HDAC9: variants seen among roughly 807,000 people sequenced by gnomAD.
HDAC9 encodes MEF-2 interacting transcription repressor (MITR) protein.
A neutral mutation model predicts 139.4 loss-of-function variants in HDAC9; 41 were observed. The ratio of observed to expected loss-of-function variants is 0.29; its 90% CI spans 0.23 to 0.38. The LOEUF is 0.38. HDAC9 is among the 10% of genes least tolerant of loss of function. The pLI, the probability that HDAC9 is intolerant of heterozygous loss-of-function variation, is 1.00. For synonymous variants in HDAC9, 517 were observed against 476.2 expected, an observed-to-expected ratio of 1.09 and a Z score of -1.12; for missense variants, 1,147 against 1,297.0, an observed-to-expected ratio of 0.88 and a Z score of 1.78.
chr7:18,607,657 A>T (rs1186602501), intron 6 of HDAC9, among the ~76,000 whole-genome samples: 2 of 152,158 alleles, frequency 1.3e-5, no homozygotes, highest in Non-Finnish European at 2.9e-5. Flanking sequence ...TTTAATCTTA[A>T]CCTTGTCACT....
intron 1 of HDAC9, among the ~76,000 whole-genome samples, chr7:18,152,271 T>A (rs1325014410): frequency 6.6e-6 from 1 of 152,158 alleles, no homozygotes; most frequent in African/African-American, 2.4e-5. Flanking sequence ...TGCAAGTAAC[T>A]ATTAGAGCCA....
At chr7:18,371,096 T>C (rs1179009113) in intron 1 of HDAC9, among the ~76,000 whole-genome samples, 1 of 152,190 alleles carries the variant, frequency 6.6e-6, no homozygotes, top group Non-Finnish European at 1.5e-5. Context: ...AGTGTTTATA[T>C]TGAATTATGT....
intron 1 of HDAC9, among the ~76,000 whole-genome samples, chr7:18,437,301 T>C (rs1381519552): frequency 6.6e-6 from 1 of 152,134 alleles, no homozygotes; most frequent in Non-Finnish European, 1.5e-5. Context: ...TTTTTGTTAC[T>C]GTAGTTTGTT....
intron 2 of HDAC9, among the ~76,000 whole-genome samples, chr7:18,183,081 C>T (rs904907650): frequency 4.0e-5 from 6 of 151,366 alleles, no homozygotes; most frequent in Non-Finnish European, 8.8e-5. Flanking sequence ...GCAATCTCGG[C>T]TCACTGCAAG....
intron 6 of HDAC9, among the ~76,000 whole-genome samples, chr7:18,609,052 A>G (rs939597653): frequency 6.6e-6 from 1 of 152,172 alleles, no homozygotes; most frequent in African/African-American, 2.4e-5. Flanking sequence ...TTATTTCAAA[A>G]TGCATATTTT....
intron 1 of HDAC9, among the ~76,000 whole-genome samples, chr7:18,333,076 T>C (rs1003478384): frequency 4.0e-5 from 6 of 151,506 alleles, no homozygotes; most frequent in African/African-American, 1.5e-4. Context: ...TACTGTATTC[T>C]CTGATCACAA....
At chr7:18,267,122 A>G (rs944189236) in intron 2 of HDAC9, among the ~76,000 whole-genome samples, 12 of 152,152 alleles carry the variant, frequency 7.9e-5, no homozygotes, top group African/African-American at 2.9e-4. Context: ...TCATATCTAA[A>G]AGACATGGCT....
At chr7:18,430,329 T>A (rs1790526233) in intron 1 of HDAC9, 1 of 152,152 alleles carries the variant, frequency 6.6e-6, no homozygotes, top group Admixed American at 6.5e-5. Context: ...GCCGAAGTGA[T>A]CCTCCCACCT....
At chr7:18,778,513 C>A (rs897037508) in intron 16 of HDAC9, among the ~76,000 whole-genome samples, 1 of 152,030 alleles carries the variant, frequency 6.6e-6, no homozygotes, top group African/African-American at 2.4e-5. Context: ...TTGAAGCACC[C>A]TTTACACAGT....
intron 2 of HDAC9, among the ~76,000 whole-genome samples, chr7:18,206,523 C>A (rs1791523451): frequency 6.6e-6 from 1 of 152,026 alleles, no homozygotes; most frequent in Non-Finnish European, 1.5e-5. Flanking sequence ...TATACAAGAT[C>A]CTTGGCCAAG....
chr7:18,570,561 C>G (rs1394400002), intron 2 of HDAC9, among the ~76,000 whole-genome samples: 1 of 152,078 alleles, frequency 6.6e-6, no homozygotes, highest in Non-Finnish European at 1.5e-5. Context: ...TTGTAGAAGT[C>G]AAATAGAATC....
intron 21 of HDAC9, among the ~76,000 whole-genome samples, chr7:18,837,497 G>A (rs1377089108): frequency 6.6e-6 from 1 of 151,924 alleles, no homozygotes; most frequent in Non-Finnish European, 1.5e-5. Flanking sequence ...TGCCTCCCAA[G>A]TTAACCTGGT....
At chr7:18,845,108 G>T (rs1307132093) in intron 21 of HDAC9, among the ~76,000 whole-genome samples, 1 of 152,058 alleles carries the variant, frequency 6.6e-6, no homozygotes, top group Non-Finnish European at 1.5e-5. Flanking sequence ...CCAAAAGTTT[G>T]TTAATATATA....
At chr7:18,330,797 A>C (rs1800861286) in intron 1 of HDAC9, among the ~76,000 whole-genome samples, 1 of 151,742 alleles carries the variant, frequency 6.6e-6, no homozygotes, top group South Asian at 2.1e-4. Flanking sequence ...CTTGGTAATA[A>C]ATTCACAAGC....
intron 14 of HDAC9, among the ~76,000 whole-genome samples, chr7:18,750,715 G>A (rs917673584): frequency 5.3e-4 from 80 of 152,166 alleles, no homozygotes; most frequent in African/African-American, 1.9e-3. Flanking sequence ...TCTTTTCTAT[G>A]CAATCCCATA....
At chr7:18,238,710 G>A (rs1335356974) in intron 2 of HDAC9, among the ~76,000 whole-genome samples, 1 of 152,224 alleles carries the variant, frequency 6.6e-6, no homozygotes, top group Non-Finnish European at 1.5e-5. Context: ...GGGAAGCCAG[G>A]ATTAAGTAGC....
chr7:18,723,094 A>G (rs552716305), intron 12 of HDAC9, among the ~76,000 whole-genome samples: 1 of 152,070 alleles, frequency 6.6e-6, no homozygotes, highest in African/African-American at 2.4e-5. Context: ...CTTGGTAATC[A>G]TTTTGTCTGG....
At chr7:18,786,858 T>G (rs1435873310) in intron 16 of HDAC9, among the ~76,000 whole-genome samples, 2 of 146,368 alleles carry the variant, frequency 1.4e-5, no homozygotes, top group African/African-American at 5.0e-5. Context: ...CTTCCTTCTC[T>G]TTTCTTTCTT....
intron 24 of HDAC9, among the ~76,000 whole-genome samples, chr7:18,971,573 G>A (rs909144093): frequency 2.0e-5 from 3 of 152,136 alleles, no homozygotes; most frequent in Admixed American, 6.5e-5. Context: ...ATAAATTATG[G>A]GGTTTGAATT....
Sources: gnomAD v4.1 joint callset for allele counts (sites outside exome capture counted in the v4.1 genomes callset) on GRCh38, gnomAD v4.1.1 for gene constraint, MANE v1.5 for transcripts, NCBI Gene and HGNC (gene_info 2026-07-23, HGNC 2026-07-21) for gene names.